SLC35F1: variants seen among roughly 807,000 people sequenced by gnomAD.
SLC35F1 encodes the protein solute carrier family 35 member F1.
Under a neutral mutation model 48.7 loss-of-function variants are expected in SLC35F1, and 14 were observed. That is an observed-to-expected ratio of 0.29 (90% confidence interval 0.19 to 0.45). The LOEUF (loss-of-function observed/expected upper bound fraction) is 0.45. Ranked by LOEUF, SLC35F1 falls within the 20% of genes least tolerant of loss-of-function variation. SLC35F1 has a pLI of 1.00. For synonymous variants in SLC35F1, 190 were observed against 202.2 expected (o/e 0.94, Z 0.51); for missense variants, 404 against 500.0 (o/e 0.81, Z 1.83).
At chr6:118,108,769 A>G (rs796585930) in intron 1 of SLC35F1, among the ~76,000 whole-genome samples, 13 of 151,860 alleles carry the variant, frequency 8.6e-5, no homozygotes, top group African/African-American at 3.1e-4. Context: ...TCCCCTTTAA[A>G]TTTTTTTTCT....
At chr6:118,108,065 G>A (rs907024248) in intron 1 of SLC35F1, among the ~76,000 whole-genome samples, 1 of 151,978 alleles carries the variant, frequency 6.6e-6, no homozygotes, top group Non-Finnish European at 1.5e-5. Flanking sequence ...GTGTCAAATT[G>A]GGGCATACGA....
intron 1 of SLC35F1, among the ~76,000 whole-genome samples, chr6:118,128,752 G>A (rs1773666664): frequency 6.6e-6 from 1 of 151,064 alleles, no homozygotes; most frequent in Admixed American, 6.6e-5. Flanking sequence ...CATGGCACAT[G>A]TATACATATG....
At chr6:118,086,030 A>G (rs1244905399) in intron 1 of SLC35F1, among the ~76,000 whole-genome samples, 3 of 152,324 alleles carry the variant, frequency 2.0e-5, no homozygotes, top group South Asian at 2.1e-4. Context: ...AAATTCTCCA[A>G]CACTTCCTAC....
intron 7 of SLC35F1, among the ~76,000 whole-genome samples, chr6:118,290,940 A>C (rs543795133): frequency 6.6e-6 from 1 of 151,708 alleles, no homozygotes; most frequent in Non-Finnish European, 1.5e-5. Context: ...GACTACAGGC[A>C]CTCGCCACCA....
intron 7 of SLC35F1, among the ~76,000 whole-genome samples, chr6:118,292,060 G>A (rs1349923820): frequency 6.6e-6 from 1 of 152,184 alleles, no homozygotes; most frequent in South Asian, 2.1e-4. Context: ...AGAGTTTGCA[G>A]TGAGCTGAGA....
At chr6:118,266,012 C>T (rs1775769200) in intron 3 of SLC35F1, among the ~76,000 whole-genome samples, 1 of 152,164 alleles carries the variant, frequency 6.6e-6, no homozygotes, top group South Asian at 2.1e-4. Context: ...AGTTATAGAC[C>T]AGCAATGAGG....
chr6:118,176,518 T>C (rs1774490100), intron 2 of SLC35F1, among the ~76,000 whole-genome samples: 1 of 152,098 alleles, frequency 6.6e-6, no homozygotes, highest in African/African-American at 2.4e-5. Context: ...AAAATATTTG[T>C]TTATTTTTAC....
intron 1 of SLC35F1, among the ~76,000 whole-genome samples, chr6:118,089,916 G>A (rs764122332): frequency 2.6e-5 from 4 of 152,128 alleles, no homozygotes; most frequent in Non-Finnish European, 4.4e-5. Flanking sequence ...ACTCAAAGCC[G>A]AAAAGCTATA....
intron 1 of SLC35F1, among the ~76,000 whole-genome samples, chr6:118,150,156 C>G (rs1774034665): frequency 6.6e-6 from 1 of 152,016 alleles, no homozygotes; most frequent in Admixed American, 6.6e-5. Flanking sequence ...ATAATAGCTG[C>G]CTTATAAGGT....
intron 1 of SLC35F1, among the ~76,000 whole-genome samples, chr6:118,138,176 G>A (rs981160402): frequency 6.6e-6 from 1 of 151,974 alleles, no homozygotes; most frequent in Non-Finnish European, 1.5e-5. Flanking sequence ...AGGCATGGTA[G>A]TGCATGCCTG....
intron 1 of SLC35F1, among the ~76,000 whole-genome samples, chr6:117,967,571 G>A (rs1030788671): frequency 1.3e-5 from 2 of 152,150 alleles, no homozygotes; most frequent in African/African-American, 2.4e-5. Flanking sequence ...TGAAGAAATC[G>A]ACACATTGTG....
chr6:117,998,576 T>C (rs902392495), intron 1 of SLC35F1, among the ~76,000 whole-genome samples: 1 of 151,982 alleles, frequency 6.6e-6, no homozygotes, highest in African/African-American at 2.4e-5. Flanking sequence ...ACAAACTATC[T>C]CTCAGACCAC....
chr6:118,260,465 A>C (rs1226516394), intron 3 of SLC35F1, among the ~76,000 whole-genome samples: 1 of 152,108 alleles, frequency 6.6e-6, no homozygotes, highest in Non-Finnish European at 1.5e-5. Context: ...TTTTTTAAAA[A>C]AGAAGGCAAC....
At chr6:117,950,015 T>C (rs1776342926) in intron 1 of SLC35F1, among the ~76,000 whole-genome samples, 1 of 152,184 alleles carries the variant, frequency 6.6e-6, no homozygotes, top group African/African-American at 2.4e-5. Flanking sequence ...ATGTAGCTTT[T>C]TACTCTGTGT....
At chr6:118,221,888 A>C (rs1775156208) in intron 2 of SLC35F1, among the ~76,000 whole-genome samples, 1 of 152,206 alleles carries the variant, frequency 6.6e-6, no homozygotes, top group South Asian at 2.1e-4. Flanking sequence ...CAATGCCATG[A>C]TCACATGTAA....
intron 1 of SLC35F1, among the ~76,000 whole-genome samples, chr6:117,910,726 G>A (rs1260100343): frequency 6.6e-6 from 1 of 152,178 alleles, no homozygotes; most frequent in African/African-American, 2.4e-5. Flanking sequence ...AAGGGGTAAT[G>A]CTGAGACACA....
intron 3 of SLC35F1, among the ~76,000 whole-genome samples, chr6:118,255,104 C>A (rs1275293237): frequency 1.3e-5 from 2 of 152,158 alleles, no homozygotes; most frequent in Non-Finnish European, 2.9e-5. Flanking sequence ...CCAGTCTAGA[C>A]AACTTTGATG....
At chr6:118,227,005 C>T (rs565601190) in intron 2 of SLC35F1, among the ~76,000 whole-genome samples, 378 of 152,222 alleles carry the variant, frequency 2.5e-3, no homozygotes, top group African/African-American at 8.3e-3. Context: ...TAAAAAGTGA[C>T]AAAGTTGCTC....
intron 2 of SLC35F1, among the ~76,000 whole-genome samples, chr6:118,218,463 G>C (rs773510657): frequency 4.6e-5 from 7 of 152,264 alleles, no homozygotes; most frequent in African/African-American, 1.2e-4. Context: ...TTAGATCTAA[G>C]ATGTAAGAAG....
Sources: gnomAD v4.1 joint callset for allele counts (sites outside exome capture counted in the v4.1 genomes callset) on GRCh38, gnomAD v4.1.1 for gene constraint, MANE v1.5 for transcripts, NCBI Gene and HGNC (gene_info 2026-07-23, HGNC 2026-07-21) for gene names.